The following EIF2AK2 variants were observed in gnomAD, a reference collection of about 807,000 sequenced individuals.
The protein encoded by EIF2AK2 is eukaryotic translation initiation factor 2 alpha kinase 2.
Under a neutral mutation model 70.5 loss-of-function variants are expected in EIF2AK2, and 40 were observed. The observed-to-expected ratio is 0.57, with a 90% CI of 0.44 to 0.74. The LOEUF is 0.74. Ranked by LOEUF, EIF2AK2 falls within the 30% of genes least tolerant of loss-of-function variation. The pLI is 0.00. For synonymous variants in EIF2AK2, 198 were observed against 220.9 expected, an observed-to-expected ratio of 0.90 and a Z score of 0.92; for missense variants, 555 against 644.3, an observed-to-expected ratio of 0.86 and a Z score of 1.50.
At chr2:37,123,358 C>G (rs1446610552) in intron 11 of EIF2AK2, among the ~76,000 whole-genome samples, 4 of 151,858 alleles carry the variant, frequency 2.6e-5, no homozygotes, top group Non-Finnish European at 2.9e-5. Context: ...CCTCAACCTT[C>G]TAGCCTCAAA....
At chr2:37,121,586 A>T (rs916072586) in intron 12 of EIF2AK2, among the ~76,000 whole-genome samples, 6 of 151,962 alleles carry the variant, frequency 3.9e-5, no homozygotes, top group Non-Finnish European at 8.8e-5. Context: ...AAGTGCCAAC[A>T]AATTACTAAG....
intron 1 of EIF2AK2, among the ~76,000 whole-genome samples, chr2:37,156,687 T>C (rs11904602): frequency 0.38 from 58,241 of 152,126 alleles, 11,822 homozygotes; most frequent in East Asian, 0.77. Context: ...TCCACGATCC[T>C]TTCCCTGGAT....
In EIF2AK2 at chr2:37,128,866, G is replaced by A. The variant is rs139765400; in HGVS notation, c.786-2455C>T. ...ACCACATGATTACCTGTCTCCTCAC[G>A]GGCATGGACAAAAATGCCCATAAGG... On this transcript the variant is annotated intron_variant, in intron 10 of 16. Transcript: ENST00000233057. 2.7e-3 allele frequency among the ~76,000 whole-genome samples: 410 copies of A among 152,224 alleles called. 2 individuals are homozygous for A. Among genetic ancestry groups the A allele is most frequent in the African/African-American group, 8.2e-3 (342 of 41,530 alleles).
intron 6 of EIF2AK2, among the ~76,000 whole-genome samples, 181 bp from the exon 7 acceptor site, chr2:37,138,766 T>C (rs1675216503): frequency 6.6e-6 from 1 of 152,178 alleles, no homozygotes; most frequent in Non-Finnish European, 1.5e-5. Flanking sequence ...ATTTTTTATT[T>C]TACTTTTCTG....
intron 6 of EIF2AK2, among the ~76,000 whole-genome samples, chr2:37,139,352 C>T (rs1454489933): frequency 6.6e-6 from 1 of 151,374 alleles, no homozygotes; most frequent in African/African-American, 2.4e-5. Context: ...CTCAGGAGAT[C>T]CACCTGCCTT....
intron 13 of EIF2AK2, among the ~76,000 whole-genome samples, chr2:37,117,512 G>A (rs1674387597): frequency 6.6e-6 from 1 of 152,146 alleles, no homozygotes; most frequent in Non-Finnish European, 1.5e-5. Context: ...ACTCCAGCCT[G>A]GGCAACAGAG....
chr2:37,135,422 C>T, intron 10 of EIF2AK2, 62 bp downstream of exon 10: 3 of 1,390,138 alleles, frequency 2.2e-6, no homozygotes, highest in Non-Finnish European at 3.0e-6. Flanking sequence ...TCACAGACAA[C>T]TACCAAAAAC....
At chr2:37,143,813 A>G (rs1259846303) in intron 4 of EIF2AK2, among the ~76,000 whole-genome samples, 1 of 151,988 alleles carries the variant, frequency 6.6e-6, no homozygotes, top group African/African-American at 2.4e-5. Context: ...GAGCCTGGGG[A>G]GATTGAGGCT....
At chr2:37,148,495 C>T (rs1465262479) in intron 2 of EIF2AK2, 4 of 577,592 alleles carry the variant, frequency 6.9e-6, no homozygotes, top group African/African-American at 5.7e-5. Context: ...GATCTCTAGA[C>T]AAAATAAAAC....
intron 13 of EIF2AK2, among the ~76,000 whole-genome samples, chr2:37,119,740 C>T (rs1455308535): frequency 4.0e-5 from 6 of 151,290 alleles, no homozygotes; most frequent in African/African-American, 1.5e-4. Flanking sequence ...TACAGGCGCA[C>T]GCCACCATGC....
At chr2:37,143,906 C>G (rs954200859) in intron 4 of EIF2AK2, among the ~76,000 whole-genome samples, 7 of 151,742 alleles carry the variant, frequency 4.6e-5, no homozygotes, top group African/African-American at 1.7e-4. Flanking sequence ...ACAACAACAA[C>G]AAAAAAACTA....
intron 1 of EIF2AK2, among the ~76,000 whole-genome samples, chr2:37,151,418 T>C (rs926416159): frequency 6.6e-6 from 1 of 152,128 alleles, no homozygotes. Flanking sequence ...CCCACTAGTA[T>C]GGCAATAATA....
chr2:37,143,395 G>A (rs1285396731), intron 4 of EIF2AK2, among the ~76,000 whole-genome samples: 1 of 151,840 alleles, frequency 6.6e-6, no homozygotes, highest in African/African-American at 2.4e-5. Context: ...TATTTTCCGG[G>A]ATACCAGTCA....
chr2:37,151,528 T>A (rs1675740169), intron 1 of EIF2AK2, among the ~76,000 whole-genome samples: 1 of 152,210 alleles, frequency 6.6e-6, no homozygotes, highest in African/African-American at 2.4e-5. Flanking sequence ...ATACGGTTGC[T>A]GGGGTTCCTC....
chr2:37,146,174 A>C (rs1476418479), intron 4 of EIF2AK2, among the ~76,000 whole-genome samples: 1 of 152,188 alleles, frequency 6.6e-6, no homozygotes, highest in Non-Finnish European at 1.5e-5. Context: ...TATGCTGTAT[A>C]GGTTCGTAGT....
intron 11 of EIF2AK2, among the ~76,000 whole-genome samples, chr2:37,123,668 G>C (rs1331245577): frequency 2.0e-5 from 3 of 152,192 alleles, no homozygotes; most frequent in African/African-American, 4.8e-5. Context: ...AGCAAGGCTA[G>C]GTAACCCAGG....
intron 13 of EIF2AK2, among the ~76,000 whole-genome samples, chr2:37,117,091 T>C (rs1027729169): frequency 6.6e-6 from 1 of 151,162 alleles, no homozygotes; most frequent in Non-Finnish European, 1.5e-5. Flanking sequence ...CAGGCGCCTG[T>C]AATCCCAGAT....
intron 7 of EIF2AK2, 71 bp downstream of exon 7, chr2:37,138,438 A>T: frequency 6.2e-7 from 1 of 1,601,228 alleles, no homozygotes; most frequent in South Asian, 1.1e-5. Flanking sequence ...AATTCTCCTT[A>T]AACATAAAAA....
intron 13 of EIF2AK2, among the ~76,000 whole-genome samples, chr2:37,119,539 A>G (rs963930478): frequency 6.6e-6 from 1 of 151,860 alleles, no homozygotes; most frequent in African/African-American, 2.4e-5. Context: ...TCAATCAACC[A>G]CTATTCTAAA....
Sources: gnomAD v4.1 joint callset for allele counts (sites outside exome capture counted in the v4.1 genomes callset) on GRCh38, gnomAD v4.1.1 for gene constraint, MANE v1.5 for transcripts, NCBI Gene and HGNC (gene_info 2026-07-23, HGNC 2026-07-21) for gene names.